Variants in KCNV2 observed in about 807,000 individuals in gnomAD.
KCNV2 encodes the protein potassium voltage-gated channel subfamily V member 2.
A neutral mutation model predicts 37.0 loss-of-function variants in KCNV2; 65 were observed. The observed-to-expected ratio is 1.76, with a 90% CI of 1.44 to 2.16. KCNV2 has a LOEUF of 2.16. Ranked by LOEUF, KCNV2 falls within the 30% of genes most tolerant of loss-of-function variation. The pLI is 0.00. For synonymous variants in KCNV2, 518 were observed against 328.6 expected (o/e 1.58, Z -6.23); for missense variants, 1,232 against 766.7 (o/e 1.61, Z -7.17).
Position 2,717,894 on chromosome 9 carries a change from A to G in KCNV2, c.155A>G (p.Asn52Ser). 6.2e-7 allele frequency: 1 copy of G among 1,614,190 alleles called. No homozygotes were observed. The highest frequency in any genetic ancestry group is 1.7e-5 in the Admixed American group (1 of 60,022). The stretch of plus-strand genomic sequence containing the variant: ...CACGGCTGGACAGAGGGCAACTATA[A>G]CTACTACATCGAGGAAGACGAAGAC... The part of the protein sequence containing the change: ...SIHGWTEGNY[N>S]YYIEEDEDGE... The change falls in exon 1 of 2, where the codon AAC becomes AGC. Residue 52 changes from asparagine to serine, a missense_variant. Coordinates refer to ENST00000382082, the MANE Select transcript of KCNV2 (RefSeq NM_133497.4).
chr9:2,718,885 G>GCGCATCTTC lies in KCNV2; in HGVS notation c.1153_1161dup (p.Phe385_Ile387dup). The GCGCATCTTC allele has an allele frequency of 2.5e-6, 4 of 1,608,972 alleles. No homozygotes were observed. In the African/African-American group the frequency reaches 4.0e-5, roughly 16 times the overall value. On this transcript the variant is annotated inframe_insertion, in exon 1 of 2. Transcript: ENST00000382082. ...AGGTGTTGCGCGTCATGCGCCTCAT[G>GCGCATCTTC]CGCATCTTCCGCATCCTCAAGCTGG...
chr9:2,728,494 C>T (rs1820004501), intron 1 of KCNV2, among the ~76,000 whole-genome samples: 1 of 152,174 alleles, frequency 6.6e-6, no homozygotes, highest in South Asian at 2.1e-4. Context: ...CCCATGGTAT[C>T]TGCATTTTAA....
rs530044085 is a variant in KCNV2, at chr9:2,717,896, T to C, written c.157T>C (p.Tyr53His). 4 of 1,614,098 alleles carry C rather than the reference T, an allele frequency of 2.5e-6. No individual in the cohort carries two copies. In the African/African-American group the frequency reaches 4.0e-5, roughly 16 times the overall value. ...CGGCTGGACAGAGGGCAACTATAAC[T>C]ACTACATCGAGGAAGACGAAGACGG... Reference protein sequence around the residue: ...IHGWTEGNYNYYIEEDEDGEE... With the variant: ...IHGWTEGNYNHYIEEDEDGEE... Residue 53 changes from tyrosine to histidine, a missense_variant, in exon 1 of 2, where the codon TAC becomes CAC. Tyr to His is a moderately conservative substitution (Grantham distance 83). Coordinates refer to ENST00000382082, the MANE Select transcript of KCNV2 (RefSeq NM_133497.4).
In KCNV2 at chr9:2,718,825, C is replaced by G. The variant is rs199886720; in HGVS notation, c.1086C>G (p.Arg362=). 5.2e-5 allele frequency: 83 copies of G among 1,609,816 alleles called. No homozygotes were observed. In the Middle Eastern group the frequency reaches 9.9e-4, roughly 19 times the overall value. ...GCTTCACGGGCGAGGGCCACCAACG[C>G]GGCCAGACGGTGGGCAGCGTGGGTA... is the stretch of plus-strand genomic sequence containing the variant. The part of the protein sequence containing the change: ...LECFTGEGHQ[R]GQTVGSVGKV... Residue 362 remains arginine (R), a synonymous_variant, in exon 1 of 2, where the codon CGC becomes CGG. Coordinates refer to ENST00000382082, the MANE Select transcript of KCNV2 (RefSeq NM_133497.4).
chr9:2,719,059 C>T lies in KCNV2; in HGVS notation c.1320C>T (p.Asn440=), dbSNP rs972364567. Residue 440 remains asparagine (N), a synonymous_variant, in exon 1 of 2, where the codon AAC becomes AAT. Coordinates refer to ENST00000382082, the MANE Select transcript of KCNV2 (RefSeq NM_133497.4). ...YSVEHDVPST[N]FTTIPHSWWW... is the part of the protein sequence containing the mutation. ...TGGAGCACGATGTGCCCAGCACCAACTTCACTACCATCCCCCACTCCTGGT... is the reference window on the plus strand; with the variant it reads ...TGGAGCACGATGTGCCCAGCACCAATTTCACTACCATCCCCCACTCCTGGT... 1 of 1,612,282 alleles carries T rather than the reference C, an allele frequency of 6.2e-7. No individual in the cohort carries two copies. Among genetic ancestry groups the T allele is most frequent in the African/African-American group, 1.3e-5 (1 of 75,066 alleles).
In KCNV2 at chr9:2,729,931, C is replaced by A. The variant is rs759028359; in HGVS notation, c.*204C>A. 17 of 594,378 alleles carry A rather than the reference C, an allele frequency of 2.9e-5. No individual in the cohort carries two copies. The highest frequency in any genetic ancestry group is 4.4e-5 in the Non-Finnish European group (15 of 337,928). The allele number at this position is 594,378 out of a possible 1,614,324, so 36.8% of individuals were successfully genotyped here. On this transcript the variant is annotated 3_prime_UTR_variant, in exon 2 of 2. Transcript: ENST00000382082. ...AGTTGCTCTGTGTTGTGTGAAACATCTGACCTTCTCAATGACGTTGATATT... is the reference window on the plus strand; with the variant it reads ...AGTTGCTCTGTGTTGTGTGAAACATATGACCTTCTCAATGACGTTGATATT...
intron 1 of KCNV2, 70 bp downstream of exon 1, chr9:2,719,165 T>A: frequency 6.4e-7 from 1 of 1,557,518 alleles, no homozygotes; most frequent in Non-Finnish European, 8.7e-7. Context: ...CCTCCCCTGG[T>A]TATCAGCCAC....
chr9:2,719,177 A>G (rs1334791706), intron 1 of KCNV2, 82 bp downstream of exon 1: 7 of 1,516,452 alleles, frequency 4.6e-6, no homozygotes, highest in Non-Finnish European at 6.3e-6. Context: ...ATCAGCCACC[A>G]GGCTTTGGCT....
chr9:2,729,597 T>G lies in KCNV2; in HGVS notation c.1508T>G (p.Leu503Arg). 6.2e-7 allele frequency: 1 copy of G among 1,614,070 alleles called. No homozygotes were observed. Among genetic ancestry groups the G allele is most frequent in the Non-Finnish European group, 8.5e-7 (1 of 1,179,988 alleles). ...AAGTTTTCTGATTACTACAGCAAGC[T>G]GAAGGCTTATGAGTATACCACCATA... ...YNKFSDYYSK[L>R]KAYEYTTIRR... The change falls in exon 2 of 2, where the codon CTG becomes CGG. Residue 503 changes from leucine to arginine, a missense_variant. Physicochemically the swap from Leu to Arg is moderately radical, Grantham distance 102 (BLOSUM62 -2). Coordinates refer to ENST00000382082, the MANE Select transcript of KCNV2 (RefSeq NM_133497.4).
chr9:2,724,033 G>C (rs367596305), intron 1 of KCNV2, among the ~76,000 whole-genome samples: 33 of 151,216 alleles, frequency 2.2e-4, no homozygotes, highest in East Asian at 1.4e-3. Context: ...CCGGGGGTTG[G>C]GGGGTGGAGG....
chr9:2,724,926 T>A (rs1426019903), intron 1 of KCNV2, among the ~76,000 whole-genome samples: 1 of 152,204 alleles, frequency 6.6e-6, no homozygotes, highest in Non-Finnish European at 1.5e-5. Flanking sequence ...GTAATAGAGT[T>A]CTACCTCCTT....
In KCNV2 at chr9:2,719,005, C is replaced by G. The variant is rs779755195; in HGVS notation, c.1266C>G (p.Ile422Met). Residue 422 changes from isoleucine (I) to methionine (M), a missense_variant, in exon 1 of 2, where the codon ATC becomes ATG. By Grantham distance (10) the Ile-to-Met change is conservative. Coordinates refer to ENST00000382082, the MANE Select transcript of KCNV2 (RefSeq NM_133497.4). ...GCLLLFIAMG[I>M]FTFSAAVYSV... Reference sequence around the variant, plus strand: ...TGCTGCTCTTCATCGCCATGGGCATCTTCACTTTCTCTGCGGCTGTCTACT... The same window carrying G: ...TGCTGCTCTTCATCGCCATGGGCATGTTCACTTTCTCTGCGGCTGTCTACT... 1.2e-6 allele frequency: 2 copies of G among 1,612,662 alleles called. No homozygotes were observed. The highest frequency in any genetic ancestry group is 2.7e-5 in the African/African-American group (2 of 74,958).
rs146124473 is a variant in KCNV2 at position 2,723,039 on chromosome 9, T to A, written c.1356+3944T>A. On this transcript the variant is annotated intron_variant, in intron 1 of 1. Transcript: ENST00000382082. Reference sequence around the variant, plus strand: ...GCAGGGCAGGTTAGCCCACCCACCATAGGAGGGCACTGCAAAGTTATATGG... The same window carrying A: ...GCAGGGCAGGTTAGCCCACCCACCAAAGGAGGGCACTGCAAAGTTATATGG... Among the ~76,000 whole-genome samples, 395 of 152,274 alleles carry A rather than the reference T, an allele frequency of 2.6e-3. 5 individuals carry two copies. The highest frequency in any genetic ancestry group is 8.9e-3 in the African/African-American group (368 of 41,546).
In KCNV2 at chr9:2,729,904, A is replaced by C; in HGVS notation, c.*177A>C. 12 of 664,694 alleles carry C rather than the reference A, an allele frequency of 1.8e-5. No homozygotes were observed. The highest frequency in any genetic ancestry group is 4.0e-4 in the Middle Eastern group (1 of 2,478). 41.2% of individuals were successfully genotyped at this position (664,694 alleles called of 1,614,324 possible). ...TTTTGGCCCAAACTCAGAATGTCTC[A>C]TAGTTGCTCTGTGTTGTGTGAAACA... On this transcript the variant is annotated 3_prime_UTR_variant, in exon 2 of 2. Coordinates refer to ENST00000382082, the MANE Select transcript of KCNV2 (RefSeq NM_133497.4).
intron 1 of KCNV2, among the ~76,000 whole-genome samples, chr9:2,722,909 G>C (rs931497978): frequency 2.0e-5 from 3 of 152,154 alleles, no homozygotes; most frequent in Non-Finnish European, 4.4e-5. Flanking sequence ...GAACAAGAGA[G>C]AGAATGCAAG....
rs1819908641 is a variant in KCNV2 at position 2,723,052 on chromosome 9, CAA to C, written c.1356+3959_1356+3960del. 2.0e-5 allele frequency among the ~76,000 whole-genome samples: 3 copies of C among 152,212 alleles called. 1 individual carries two copies. The highest frequency in any genetic ancestry group is 6.8e-3 in the Middle Eastern group (2 of 294). ...GCCCACCCACCATAGGAGGGCACTG[CAA>C]AGTTATATGGCAAACAGCTTAGACA... On this transcript the variant is annotated intron_variant, in intron 1 of 1. Transcript: ENST00000382082.
At chr9:2,721,371 ACTG>A (rs1255023462) in intron 1 of KCNV2, among the ~76,000 whole-genome samples, 1 of 152,202 alleles carries the variant, frequency 6.6e-6, no homozygotes, top group African/African-American at 2.4e-5. Context: ...GTTCCCCAGG[ACTG>A]CTATGTTATT....
chr9:2,718,629 A>T lies in KCNV2; in HGVS notation c.890A>T (p.Asp297Val). The T allele has an allele frequency of 1.2e-6, 2 of 1,613,124 alleles. No homozygotes were observed. The highest frequency in any genetic ancestry group is 1.7e-6 in the Non-Finnish European group (2 of 1,179,800). ...QHSGQGEGGP[D>V]LRPILEHVEM... ...TCGGGGCAGGGCGAGGGCGGCCCAG[A>T]CCTGCGGCCCATCCTGGAGCACGTG... The change falls in exon 1 of 2, where the codon GAC becomes GTC. Residue 297 changes from aspartate (D) to valine (V), a missense_variant. Transcript: ENST00000382082.
chr9:2,718,925 G>A lies in KCNV2; in HGVS notation c.1186G>A (p.Gly396Arg), dbSNP rs138924201. ...RILKLARHST[G>R]LRAFGFTLRQ... ...CCTCAAGCTGGCGCGCCACTCCACC[G>A]GACTGCGTGCCTTCGGCTTCACGCT... Residue 396 changes from glycine to arginine, a missense_variant, in exon 1 of 2, where the codon GGA becomes AGA. Physicochemically the swap from Gly to Arg is moderately radical, Grantham distance 125 (BLOSUM62 -2). Transcript: ENST00000382082. The A allele has an allele frequency of 2.5e-5, 41 of 1,609,186 alleles. No homozygotes were observed. Among genetic ancestry groups the A allele is most frequent in the Admixed American group, 6.7e-5 (4 of 60,004 alleles).
Sources: gnomAD v4.1 joint callset for allele counts (sites outside exome capture counted in the v4.1 genomes callset) on GRCh38, gnomAD v4.1.1 for gene constraint, MANE v1.5 for transcripts, NCBI Gene and HGNC (gene_info 2026-07-23, HGNC 2026-07-21) for gene names.